TG: variants seen among roughly 807,000 people sequenced by gnomAD.
TG encodes the protein thyroglobulin.
TG carries 270 observed loss-of-function variants against 324.7 expected under a neutral mutation model. The ratio of observed to expected loss-of-function variants is 0.83; its 90% CI spans 0.75 to 0.92. The LOEUF is 0.92. TG is among the 40% of genes least tolerant of loss of function. The probability of loss-of-function intolerance (pLI) is 0.00; values close to 1 mark genes in which losing one functional copy is unlikely to be tolerated. For synonymous variants in TG, 1,401 were observed against 1,327.0 expected (o/e 1.06, Z -1.21); for missense variants, 3,591 against 3,456.4 (o/e 1.04, Z -0.98).
At chr8:133,023,864 T>A (rs1357503420) in intron 40 of TG, among the ~76,000 whole-genome samples, 2 of 152,206 alleles carry the variant, frequency 1.3e-5, no homozygotes, top group Non-Finnish European at 2.9e-5. Context: ...TCATTTTGGC[T>A]GCCGGCAGGG....
In TG at chr8:132,887,244, A is replaced by T; in HGVS notation, c.1872A>T (p.Gly624=). The T allele has an allele frequency of 6.2e-7, 1 of 1,605,504 alleles. No individual in the cohort carries two copies. Among genetic ancestry groups the T allele is most frequent in the Non-Finnish European group, 8.5e-7 (1 of 1,174,892 alleles). Reference sequence around the variant, plus strand: ...TTGTCCCATCATGCACGACAGAAGGAAGCTATGAGGATGTCCAATGCTTTT... The same window carrying T: ...TTGTCCCATCATGCACGACAGAAGGTAGCTATGAGGATGTCCAATGCTTTT... ...RLFVPSCTTE[G]SYEDVQCFSG... Residue 624 remains glycine (G), a synonymous_variant, in exon 9 of 48, where the codon GGA becomes GGT. Coordinates refer to ENST00000220616, the MANE Select transcript of TG (RefSeq NM_003235.5).
intron 35 of TG, among the ~76,000 whole-genome samples, chr8:132,998,677 G>A (rs1833132408): frequency 6.6e-6 from 1 of 152,232 alleles, no homozygotes; most frequent in Non-Finnish European, 1.5e-5. Flanking sequence ...GCGTGAGTGG[G>A]CTAAAGTGTG....
At chr8:133,040,298 G>T in intron 41 of TG, 1 of 695,178 alleles carries the variant, frequency 1.4e-6, no homozygotes, top group Non-Finnish European at 2.4e-6. Flanking sequence ...AAAGTCACGC[G>T]CCCAGCTGTT....
At chr8:133,128,337 G>GCACACACACA (rs59451880) in intron 45 of TG, among the ~76,000 whole-genome samples, 2,174 of 133,736 alleles carry the variant, frequency 0.016, 47 homozygotes, top group East Asian at 0.025. Context: ...CAAAAGGCGT[G>GCACACACACA]CACACACACA....
At position 133,081,320 on chromosome 8, in the gene TG, G is replaced by T. The variant is rs144808707; in HGVS notation, c.7240-13724G>T. 7.1e-4 allele frequency among the ~76,000 whole-genome samples: 108 copies of T among 152,362 alleles called. 6 individuals carry two copies. The East Asian group carries it at 0.019, about 26-fold the overall frequency. On this transcript the variant is annotated intron_variant, in intron 41 of 47. Transcript: ENST00000220616. ...CAGTAAAAGAATAAATGAAGGTTGT[G>T]CCTTTTGAATTAAAGTAAATAAATT...
At chr8:133,102,887 G>T (rs902866565) in intron 43 of TG, 4 of 337,252 alleles carry the variant, frequency 1.2e-5, no homozygotes, top group Non-Finnish European at 2.3e-5. Context: ...GGGAGCAGGT[G>T]GAGTGGGGGC....
chr8:132,975,645 G>A (rs1456166515), intron 34 of TG, among the ~76,000 whole-genome samples: 2 of 152,134 alleles, frequency 1.3e-5, no homozygotes, highest in Non-Finnish European at 2.9e-5. Flanking sequence ...TATGTATTGG[G>A]CTCATACTGT....
intron 35 of TG, chr8:132,995,421 A>C (rs1564054722): frequency 1.0e-6 from 1 of 985,184 alleles, no homozygotes; most frequent in African/African-American, 1.7e-5. Context: ...TGTTCAAGGC[A>C]GCTGTGTGAG....
chr8:132,910,904 C>T (rs371858730), intron 18 of TG, among the ~76,000 whole-genome samples: 2 of 152,250 alleles, frequency 1.3e-5, no homozygotes, highest in East Asian at 1.9e-4. Context: ...TGTCTTTCTC[C>T]CCAACCCTGA....
At chr8:132,930,050 C>T (rs1198070976) in intron 23 of TG, among the ~76,000 whole-genome samples, 1 of 152,198 alleles carries the variant, frequency 6.6e-6, no homozygotes, top group South Asian at 2.1e-4. Context: ...CATTTTAACA[C>T]TGCATTATGC....
intron 35 of TG, among the ~76,000 whole-genome samples, chr8:133,006,766 AAGCC>A (rs1226245364): frequency 6.6e-6 from 1 of 152,260 alleles, no homozygotes; most frequent in East Asian, 1.9e-4. Flanking sequence ...AGTAATAGAA[AAGCC>A]AGTAGACTTG....
chr8:132,922,200 A>G (rs1001620181), intron 21 of TG, among the ~76,000 whole-genome samples: 2 of 152,250 alleles, frequency 1.3e-5, no homozygotes, highest in African/African-American at 4.8e-5. Flanking sequence ...ATACTGTTAT[A>G]GCAGCTTGTG....
At chr8:133,105,874 T>C (rs1849760352) in intron 43 of TG, among the ~76,000 whole-genome samples, 1 of 152,118 alleles carries the variant, frequency 6.6e-6, no homozygotes, top group Non-Finnish European at 1.5e-5. Flanking sequence ...ATGGGGCGTC[T>C]ACTGGTGGAC....
At chr8:133,104,973 T>A (rs1249749548) in intron 43 of TG, among the ~76,000 whole-genome samples, 1 of 152,184 alleles carries the variant, frequency 6.6e-6, no homozygotes, top group Non-Finnish European at 1.5e-5. Flanking sequence ...TCCTACTAGG[T>A]TGGTCTTCAA....
intron 45 of TG, 123 bp from the exon 46 acceptor site, chr8:133,131,684 TACTTG>T: frequency 7.3e-7 from 1 of 1,367,840 alleles, no homozygotes; most frequent in Non-Finnish European, 9.9e-7. Flanking sequence ...CTAAACAGGA[TACTTG>T]GATATGATAT....
chr8:133,112,652 A>G (rs551123998), intron 43 of TG, among the ~76,000 whole-genome samples: 1 of 152,284 alleles, frequency 6.6e-6, no homozygotes, highest in African/African-American at 2.4e-5. Flanking sequence ...CAGAGAAAAG[A>G]AAATAGAAAA....
chr8:132,887,217 A>G lies in TG; in HGVS notation c.1845A>G (p.Leu615=), dbSNP rs115050583. ...SQTCEQTPER[L]FVPSCTTEGS... ...CCTGTGAGCAGACACCTGAAAGGCT[A>G]TTTGTCCCATCATGCACGACAGAAG... The change falls in exon 9 of 48, where the codon CTA becomes CTG. Residue 615 remains leucine (L), a synonymous_variant. Transcript: ENST00000220616. The G allele has an allele frequency of 5.0e-5, 81 of 1,611,254 alleles. No individual in the cohort carries two copies. Among genetic ancestry groups the G allele is most frequent in the Non-Finnish European group, 6.8e-5 (80 of 1,178,126 alleles).
In TG at chr8:133,079,917, C is replaced by T. The variant is rs553547556; in HGVS notation, c.7240-15127C>T. Reference sequence around the variant, plus strand: ...AGATCGCATACAAGATAGAAGTTCTCGAGAGTAAAGTTTTGCCCCCTCTAT... The same window carrying T: ...AGATCGCATACAAGATAGAAGTTCTTGAGAGTAAAGTTTTGCCCCCTCTAT... On this transcript the variant is annotated intron_variant, in intron 41 of 47. Coordinates refer to ENST00000220616, the MANE Select transcript of TG (RefSeq NM_003235.5). Among the ~76,000 whole-genome samples, 19 of 151,780 alleles carry T rather than the reference C, an allele frequency of 1.3e-4. No homozygotes were observed. The South Asian group carries it at 3.8e-3, about 30-fold the overall frequency.
intron 25 of TG, among the ~76,000 whole-genome samples, chr8:132,940,049 A>G (rs146619532): frequency 6.6e-6 from 1 of 152,206 alleles, no homozygotes; most frequent in East Asian, 1.9e-4. Flanking sequence ...ACAGATGGGA[A>G]GCTTGGGAGG....
Sources: allele counts gnomAD v4.1 joint callset (sites outside exome capture counted in the v4.1 genomes callset), GRCh38; gene constraint gnomAD v4.1.1; transcripts MANE v1.5; gene names NCBI Gene and HGNC (gene_info 2026-07-23, HGNC 2026-07-21).